The following FHIT variants were observed in gnomAD, a reference collection of about 807,000 sequenced individuals.
The protein encoded by FHIT is fragile histidine triad diadenosine triphosphatase, also known as bis(5'-adenosyl)-triphosphatase.
Under a neutral mutation model 17.9 loss-of-function variants are expected in FHIT, and 19 were observed. That is an observed-to-expected ratio of 1.06 (90% CI 0.74 to 1.56). The LOEUF (loss-of-function observed/expected upper bound fraction) is 1.56. FHIT is among the 40% of genes most tolerant of loss of function. The pLI, the probability that FHIT is intolerant of heterozygous loss-of-function variation, is 0.00. For missense variants in FHIT, 248 were observed against 189.2 expected, an observed-to-expected ratio of 1.31 and a Z score of -1.82; for synonymous variants, 81 against 69.7, an observed-to-expected ratio of 1.16 and a Z score of -0.81.
intron 5 of FHIT, among the ~76,000 whole-genome samples, chr3:60,281,828 A>G (rs925141211): frequency 1.3e-5 from 2 of 152,192 alleles, no homozygotes; most frequent in Admixed American, 1.3e-4. Flanking sequence ...TTTAAATTGA[A>G]TTGTATTAAA....
intron 8 of FHIT, among the ~76,000 whole-genome samples, chr3:59,820,468 G>A (rs936830257): frequency 1.3e-5 from 2 of 152,232 alleles, no homozygotes; most frequent in African/African-American, 2.4e-5. Context: ...AGTTACTGAT[G>A]TGTAGGTGAG....
chr3:59,919,367 C>A (rs546795124), intron 8 of FHIT, among the ~76,000 whole-genome samples: 3 of 152,048 alleles, frequency 2.0e-5, no homozygotes, highest in East Asian at 3.9e-4. Flanking sequence ...CTTTGTAGTC[C>A]GATACTCACA....
At chr3:60,842,338 C>G (rs1476135340) in intron 3 of FHIT, among the ~76,000 whole-genome samples, 1 of 151,308 alleles carries the variant, frequency 6.6e-6, no homozygotes, top group African/African-American at 2.4e-5. Flanking sequence ...GTATTGATCT[C>G]CCACCAGAAA....
intron 8 of FHIT, among the ~76,000 whole-genome samples, chr3:59,807,602 T>C (rs538094238): frequency 1.3e-5 from 2 of 152,286 alleles, no homozygotes; most frequent in South Asian, 4.2e-4. Context: ...TTCTGTAGCA[T>C]GTGCTGTCCA....
At chr3:60,818,469 T>C (rs1167977481) in intron 4 of FHIT, among the ~76,000 whole-genome samples, 1 of 152,206 alleles carries the variant, frequency 6.6e-6, no homozygotes, top group African/African-American at 2.4e-5. Context: ...AGTTCTTTTA[T>C]CTTTGTGATA....
At chr3:60,395,136 T>C (rs1701383441) in intron 5 of FHIT, among the ~76,000 whole-genome samples, 1 of 152,062 alleles carries the variant, frequency 6.6e-6, no homozygotes, top group South Asian at 2.1e-4. Context: ...TAGAATTGAG[T>C]AGAAAGGTCA....
rs1308663568 is a variant in FHIT at position 60,043,524 on chromosome 3, A to C, written c.104-29372T>G. On this transcript the variant is annotated intron_variant, in intron 5 of 9. Transcript: ENST00000492590. ...AAAGCTACCAGCTAATACAGAGTAA[A>C]GGTTAAATCTGAAATCAAGGTGTCT... Among the ~76,000 whole-genome samples the C allele has an allele frequency of 3.3e-5, 5 of 152,220 alleles. No individual in the cohort carries two copies. The East Asian group carries it at 9.6e-4, about 29-fold the overall frequency.
chr3:60,173,208 T>C (rs1424473145), intron 5 of FHIT, among the ~76,000 whole-genome samples: 1 of 152,140 alleles, frequency 6.6e-6, no homozygotes, highest in African/African-American at 2.4e-5. Context: ...AAGATCATGA[T>C]GGATTATGCA....
At chr3:61,045,945 A>T (rs943047392) in intron 2 of FHIT, among the ~76,000 whole-genome samples, 2 of 152,226 alleles carry the variant, frequency 1.3e-5, no homozygotes, top group African/African-American at 4.8e-5. Context: ...AACCAACGAG[A>T]ACAAAGACGC....
chr3:60,933,077 A>G, intron 3 of FHIT, among the ~76,000 whole-genome samples: 1 of 152,248 alleles, frequency 6.6e-6, no homozygotes, highest in East Asian at 1.9e-4. Context: ...ACATTCATAA[A>G]ATGAAAAATT....
intron 4 of FHIT, among the ~76,000 whole-genome samples, chr3:60,776,262 A>G (rs376927682): frequency 1.1e-3 from 163 of 152,208 alleles, no homozygotes; most frequent in African/African-American, 3.9e-3. Flanking sequence ...AAAGGGCCCC[A>G]CCCAGCAACT....
At position 60,672,877 on chromosome 3, in the gene FHIT, G is replaced by A. The variant is rs868960563; in HGVS notation, c.-17-135898C>T. 7.1e-4 allele frequency among the ~76,000 whole-genome samples: 105 copies of A among 148,136 alleles called. No individual in the cohort carries two copies. The South Asian group carries it at 0.013, about 18-fold the overall frequency. On this transcript the variant is annotated intron_variant, in intron 4 of 9. Transcript: ENST00000492590. ...TTTTAATTATACCTCTTTGTAGCGT[G>A]TGTGTGTGTGTGTGTGTGTGTGTGT...
At chr3:60,621,682 T>C (rs1044399885) in intron 4 of FHIT, among the ~76,000 whole-genome samples, 13 of 152,006 alleles carry the variant, frequency 8.6e-5, no homozygotes, top group African/African-American at 2.7e-4. Context: ...AATAGTCACA[T>C]AGTATGGGCT....
At chr3:60,234,722 A>T (rs1371657631) in intron 5 of FHIT, among the ~76,000 whole-genome samples, 2 of 152,200 alleles carry the variant, frequency 1.3e-5, no homozygotes, top group Non-Finnish European at 2.9e-5. Flanking sequence ...TGTGAAGAAG[A>T]GATAGCTCTT....
At chr3:60,628,430 G>A (rs1553681602) in intron 4 of FHIT, among the ~76,000 whole-genome samples, 2 of 152,108 alleles carry the variant, frequency 1.3e-5, no homozygotes, top group African/African-American at 2.4e-5. Context: ...CTCTTTCTCT[G>A]ATATTTCTGT....
intron 2 of FHIT, among the ~76,000 whole-genome samples, chr3:61,103,590 T>C (rs1258281160): frequency 6.6e-6 from 1 of 152,162 alleles, no homozygotes; most frequent in Non-Finnish European, 1.5e-5. Flanking sequence ...CAGAGCTGAG[T>C]TCAGGTCCTG....
intron 5 of FHIT, among the ~76,000 whole-genome samples, chr3:60,322,291 A>G (rs886991732): frequency 2.0e-5 from 3 of 152,212 alleles, no homozygotes; most frequent in Admixed American, 6.5e-5. Flanking sequence ...ATAAATACTT[A>G]TAATACATGA....
intron 4 of FHIT, among the ~76,000 whole-genome samples, chr3:60,598,432 A>T (rs1042850645): frequency 5.9e-5 from 9 of 152,188 alleles, no homozygotes; most frequent in Non-Finnish European, 2.9e-5. Context: ...ATAATATTTT[A>T]AAATGTATTT....
chr3:60,461,651 G>A (rs1318362903), intron 5 of FHIT, among the ~76,000 whole-genome samples: 1 of 152,152 alleles, frequency 6.6e-6, no homozygotes, highest in Non-Finnish European at 1.5e-5. Context: ...AAAGGCTGAA[G>A]TCTTTTTTCT....
Sources: allele counts gnomAD v4.1 joint callset (sites outside exome capture counted in the v4.1 genomes callset), GRCh38; gene constraint gnomAD v4.1.1; transcripts MANE v1.5; gene names NCBI Gene and HGNC (gene_info 2026-07-23, HGNC 2026-07-21).